CAMTA1: variants seen among roughly 807,000 people sequenced by gnomAD.
CAMTA1 encodes the protein calmodulin binding transcription activator 1, also known as calmodulin-binding transcription activator 1.
Under a neutral mutation model 170.9 loss-of-function variants are expected in CAMTA1, and 27 were observed. The ratio of observed to expected loss-of-function variants is 0.16; its 90% confidence interval spans 0.12 to 0.22. The LOEUF (loss-of-function observed/expected upper bound fraction) is 0.22, where lower values mean the gene tolerates loss of function less well. CAMTA1 is among the 10% of genes least tolerant of loss of function. The pLI is 1.00. For missense variants in CAMTA1, 1,619 were observed against 2,217.2 expected (o/e 0.73, Z 5.42); for synonymous variants, 833 against 891.5 (o/e 0.93, Z 1.17).
At chr1:7,491,900 C>T (rs2093708619) in intron 6 of CAMTA1, among the ~76,000 whole-genome samples, 1 of 152,170 alleles carries the variant, frequency 6.6e-6, no homozygotes, top group Non-Finnish European at 1.5e-5. Flanking sequence ...GGTGTTCCGA[C>T]GAAACAAAGA....
chr1:7,477,352 A>G (rs2093437449), intron 6 of CAMTA1, among the ~76,000 whole-genome samples: 1 of 152,150 alleles, frequency 6.6e-6, no homozygotes, highest in Non-Finnish European at 1.5e-5. Flanking sequence ...GCTTCATTCT[A>G]GCTGGCAGCT....
chr1:7,215,505 C>T (rs1659596907), intron 4 of CAMTA1, among the ~76,000 whole-genome samples: 1 of 152,158 alleles, frequency 6.6e-6, no homozygotes, highest in South Asian at 2.1e-4. Flanking sequence ...GCGATTTTCC[C>T]ACCTCAGCCT....
intron 7 of CAMTA1, among the ~76,000 whole-genome samples, chr1:7,654,930 ACAC>A (rs1282753268): frequency 6.7e-6 from 1 of 149,198 alleles, no homozygotes; most frequent in Non-Finnish European, 1.5e-5. Flanking sequence ...ATCTATACAC[ACAC>A]AAGCACACAC....
chr1:7,272,692 CAA>C (rs371588178), intron 5 of CAMTA1, among the ~76,000 whole-genome samples: 76 of 38,808 alleles, frequency 2.0e-3, no homozygotes, highest in African/African-American at 4.4e-3. Context: ...TAAACACATG[CAA>C]AAAAAAAAAA....
At chr1:6,953,753 A>G (rs183143342) in intron 3 of CAMTA1, among the ~76,000 whole-genome samples, 4 of 151,278 alleles carry the variant, frequency 2.6e-5, no homozygotes, top group Admixed American at 2.6e-4. Flanking sequence ...TGTTCATTCA[A>G]TTTTTTTCTT....
chr1:6,956,208 C>G (rs1345863444), intron 3 of CAMTA1, among the ~76,000 whole-genome samples: 1 of 152,188 alleles, frequency 6.6e-6, no homozygotes, highest in Non-Finnish European at 1.5e-5. Flanking sequence ...GGTGGGGTCC[C>G]TGATCTCCTA....
chr1:7,313,505 C>T (rs1478759228), intron 5 of CAMTA1, among the ~76,000 whole-genome samples: 1 of 152,174 alleles, frequency 6.6e-6, no homozygotes, highest in Admixed American at 6.5e-5. Context: ...CCTGTTAGAC[C>T]TTTATTGCAT....
At chr1:6,987,263 A>G (rs142310477) in intron 3 of CAMTA1, among the ~76,000 whole-genome samples, 2,370 of 152,054 alleles carry the variant, frequency 0.016, 62 homozygotes, top group African/African-American at 0.055. Context: ...CCCAGGTTCA[A>G]GCGATTCTTC....
chr1:7,758,963 T>C (rs1407592958), intron 22 of CAMTA1, among the ~76,000 whole-genome samples: 3 of 148,140 alleles, frequency 2.0e-5, no homozygotes, highest in Admixed American at 6.7e-5. Context: ...AAAGATAATA[T>C]ACTTATTTTG....
At chr1:7,083,769 G>T (rs1263408289) in intron 3 of CAMTA1, among the ~76,000 whole-genome samples, 1 of 152,198 alleles carries the variant, frequency 6.6e-6, no homozygotes, top group Non-Finnish European at 1.5e-5. Flanking sequence ...TCATTAATAT[G>T]ACATTCACAC....
intron 5 of CAMTA1, among the ~76,000 whole-genome samples, chr1:7,386,758 A>G (rs2088042104): frequency 6.6e-6 from 1 of 152,128 alleles, no homozygotes; most frequent in Non-Finnish European, 1.5e-5. Context: ...CAAGGCTAAG[A>G]AGTCAGTAGG....
At chr1:7,252,360 C>T (rs1666763548) in intron 5 of CAMTA1, among the ~76,000 whole-genome samples, 1 of 152,234 alleles carries the variant, frequency 6.6e-6, no homozygotes, top group South Asian at 2.1e-4. Flanking sequence ...GAGCCTGTTG[C>T]TATGAATGGT....
chr1:6,972,952 A>G (rs139602227), intron 3 of CAMTA1, among the ~76,000 whole-genome samples: 13,144 of 151,962 alleles, frequency 0.086, 786 homozygotes, highest in Middle Eastern at 0.14. Flanking sequence ...CCCAGGTTCA[A>G]GTGATTCTCC....
intron 6 of CAMTA1, among the ~76,000 whole-genome samples, chr1:7,593,288 G>T (rs2095368658): frequency 6.6e-6 from 1 of 152,196 alleles, no homozygotes; most frequent in East Asian, 1.9e-4. Flanking sequence ...CATGATTCTG[G>T]GTCTTGGGCA....
chr1:7,589,710 C>A (rs2095341007), intron 6 of CAMTA1, among the ~76,000 whole-genome samples: 1 of 152,174 alleles, frequency 6.6e-6, no homozygotes, highest in African/African-American at 2.4e-5. Flanking sequence ...CTGGATGAGG[C>A]CTCTGGACAG....
At chr1:7,043,840 C>T (rs898718921) in intron 3 of CAMTA1, among the ~76,000 whole-genome samples, 3 of 152,146 alleles carry the variant, frequency 2.0e-5, no homozygotes, top group Non-Finnish European at 4.4e-5. Flanking sequence ...AGACTGCTCA[C>T]GCACTGGTTT....
At chr1:7,632,129 A>C (rs1429183173) in intron 6 of CAMTA1, among the ~76,000 whole-genome samples, 1 of 152,206 alleles carries the variant, frequency 6.6e-6, no homozygotes, top group Non-Finnish European at 1.5e-5. Flanking sequence ...GTTGTTCATT[A>C]AGCATCCAGG....
chr1:7,316,392 G>A (rs561305631), intron 5 of CAMTA1, among the ~76,000 whole-genome samples: 1 of 152,274 alleles, frequency 6.6e-6, no homozygotes, highest in East Asian at 1.9e-4. Flanking sequence ...GGTTCTGGGT[G>A]AACATAGATT....
chr1:7,098,131 G>T (rs576204456), intron 4 of CAMTA1, among the ~76,000 whole-genome samples: 1 of 152,036 alleles, frequency 6.6e-6, no homozygotes, highest in African/African-American at 2.4e-5. Context: ...GCACGTGCGC[G>T]TGCGTGCGCA....
Sources: gnomAD v4.1 joint callset for allele counts (sites outside exome capture counted in the v4.1 genomes callset) on GRCh38, gnomAD v4.1.1 for gene constraint, MANE v1.5 for transcripts, NCBI Gene and HGNC (gene_info 2026-07-23, HGNC 2026-07-21) for gene names.